ASIC2: variants seen among roughly 807,000 people sequenced by gnomAD.
ASIC2 encodes the protein acid-sensing ion channel 2.
A neutral mutation model predicts 57.3 loss-of-function variants in ASIC2; 25 were observed. That is an observed-to-expected ratio of 0.44 (90% CI 0.32 to 0.61). The LOEUF is 0.61. Among genes scored for constraint, ASIC2 ranks in the 20% least tolerant of loss-of-function variants. The probability of loss-of-function intolerance (pLI) is 0.06; values close to 1 mark genes in which losing one functional copy is unlikely to be tolerated. For missense variants in ASIC2, 641 were observed against 738.1 expected (o/e 0.87, Z 1.52); for synonymous variants, 319 against 307.5 (o/e 1.04, Z -0.39).
At chr17:33,287,007 T>G (rs1217729469) in intron 1 of ASIC2, among the ~76,000 whole-genome samples, 2 of 152,214 alleles carry the variant, frequency 1.3e-5, no homozygotes, top group African/African-American at 4.8e-5. Flanking sequence ...GAATAGTAAT[T>G]ATGAATAGTA....
intron 2 of ASIC2, among the ~76,000 whole-genome samples, chr17:33,104,961 G>T (rs2141980781): frequency 6.6e-6 from 1 of 152,306 alleles, no homozygotes; most frequent in South Asian, 2.1e-4. Flanking sequence ...GCACAGAGTA[G>T]CTACTCACTA....
At position 33,727,288 on chromosome 17, in the gene ASIC2, G is replaced by A. The variant is rs371090147; in HGVS notation, c.555+428690C>T. Among the ~76,000 whole-genome samples the A allele has an allele frequency of 9.9e-5, 15 of 152,282 alleles. No homozygotes were observed. In the East Asian group the frequency reaches 2.9e-3, roughly 29 times the overall value. On this transcript the variant is annotated intron_variant, in intron 1 of 9. Coordinates refer to the ASIC2 transcript ENST00000359872. Reference sequence around the variant, plus strand: ...TCTCAGCCTTGAAGATGGCAACACAGGATCCCATGTCTATATGCAGGAACT... The same window carrying A: ...TCTCAGCCTTGAAGATGGCAACACAAGATCCCATGTCTATATGCAGGAACT...
intron 1 of ASIC2, among the ~76,000 whole-genome samples, chr17:33,273,563 G>C (rs1904589710): frequency 6.6e-6 from 1 of 152,146 alleles, no homozygotes; most frequent in South Asian, 2.1e-4. Context: ...TGGAGGTGGG[G>C]AGTACTCCTT....
chr17:33,590,650 A>G (rs1904798875), intron 1 of ASIC2, among the ~76,000 whole-genome samples: 1 of 151,854 alleles, frequency 6.6e-6, no homozygotes, highest in Non-Finnish European at 1.5e-5. Flanking sequence ...TCTCTACACA[A>G]CACCTCAATC....
chr17:33,452,507 C>T (rs1912286410), intron 1 of ASIC2, among the ~76,000 whole-genome samples: 1 of 152,114 alleles, frequency 6.6e-6, no homozygotes, highest in South Asian at 2.1e-4. Flanking sequence ...TCAGTCTTGC[C>T]TTTGAGTAGC....
intron 1 of ASIC2, among the ~76,000 whole-genome samples, chr17:33,922,058 CTCTCA>C (rs1915719548): frequency 6.6e-6 from 1 of 152,176 alleles, no homozygotes; most frequent in African/African-American, 2.4e-5. Flanking sequence ...CTGTCAAAGT[CTCTCA>C]TCTCACAGGT....
intron 1 of ASIC2, among the ~76,000 whole-genome samples, chr17:34,126,201 G>A (rs1548507): frequency 0.057 from 8,608 of 152,196 alleles, 710 homozygotes; most frequent in African/African-American, 0.17. Flanking sequence ...GTCATGAGGA[G>A]GACTGCCTAT....
intron 1 of ASIC2, among the ~76,000 whole-genome samples, chr17:34,008,396 C>T (rs1347684953): frequency 6.6e-6 from 1 of 152,194 alleles, no homozygotes; most frequent in Non-Finnish European, 1.5e-5. Context: ...GACAAGATGA[C>T]ACCCAGGGGA....
intron 3 of ASIC2, among the ~76,000 whole-genome samples, chr17:33,068,572 A>G (rs922852218): frequency 1.3e-5 from 2 of 152,170 alleles, no homozygotes; most frequent in African/African-American, 2.4e-5. Context: ...AACAAACCCA[A>G]AATAAGTGAT....
intron 1 of ASIC2, among the ~76,000 whole-genome samples, chr17:33,655,541 C>A (rs1907050496): frequency 6.6e-6 from 1 of 152,202 alleles, no homozygotes; most frequent in African/African-American, 2.4e-5. Flanking sequence ...TGCTCTTGGG[C>A]TTCACAGTCT....
chr17:33,975,556 C>G (rs906548736), intron 1 of ASIC2, among the ~76,000 whole-genome samples: 1 of 152,094 alleles, frequency 6.6e-6, no homozygotes, highest in African/African-American at 2.4e-5. Flanking sequence ...TTTGACACAT[C>G]AATTTTTTGG....
chr17:33,107,357 T>C (rs539630332), intron 2 of ASIC2, among the ~76,000 whole-genome samples: 1 of 152,350 alleles, frequency 6.6e-6, no homozygotes, highest in African/African-American at 2.4e-5. Flanking sequence ...ATTCATGATG[T>C]ATTATATTAA....
At chr17:33,382,215 T>C (rs1348011170) in intron 1 of ASIC2, among the ~76,000 whole-genome samples, 1 of 152,294 alleles carries the variant, frequency 6.6e-6, no homozygotes, top group African/African-American at 2.4e-5. Flanking sequence ...AGAATCCATC[T>C]GAACTTAGGG....
intron 1 of ASIC2, among the ~76,000 whole-genome samples, chr17:33,432,453 CAGG>C (rs939439398): frequency 2.6e-5 from 4 of 152,126 alleles, no homozygotes; most frequent in Non-Finnish European, 5.9e-5. Flanking sequence ...CGCTTGAGCC[CAGG>C]AGGTCGAAGC....
intron 1 of ASIC2, among the ~76,000 whole-genome samples, chr17:33,576,868 G>A (rs192924144): frequency 6.6e-6 from 1 of 152,240 alleles, no homozygotes; most frequent in Admixed American, 6.5e-5. Context: ...GAACATCTCT[G>A]GGCTTCACTT....
chr17:33,342,230 A>C (rs1443781841), intron 1 of ASIC2, among the ~76,000 whole-genome samples: 1 of 152,164 alleles, frequency 6.6e-6, no homozygotes, highest in Non-Finnish European at 1.5e-5. Flanking sequence ...AAGTTAGCAA[A>C]GGGGAAGCAG....
At chr17:33,801,228 G>C (rs1423703198) in intron 1 of ASIC2, among the ~76,000 whole-genome samples, 2 of 152,170 alleles carry the variant, frequency 1.3e-5, no homozygotes, top group Non-Finnish European at 2.9e-5. Context: ...AGGAAAATGA[G>C]GGTTCATCGT....
chr17:34,112,716 G>A (rs1911312121), intron 1 of ASIC2, among the ~76,000 whole-genome samples: 1 of 152,014 alleles, frequency 6.6e-6, no homozygotes, highest in South Asian at 2.1e-4. Context: ...GTTACAGGCT[G>A]GGTAGTGATG....
intron 1 of ASIC2, among the ~76,000 whole-genome samples, chr17:33,415,550 A>G (rs1247633794): frequency 6.8e-6 from 1 of 146,460 alleles, no homozygotes; most frequent in African/African-American, 2.5e-5. Flanking sequence ...GAGAGAATTC[A>G]TTTAGTTCAA....
Sources: gnomAD v4.1 joint callset for allele counts (sites outside exome capture counted in the v4.1 genomes callset) on GRCh38, gnomAD v4.1.1 for gene constraint, MANE v1.5 for transcripts, NCBI Gene and HGNC (gene_info 2026-07-23, HGNC 2026-07-21) for gene names.